The following PCSK5 variants were observed in gnomAD, a reference collection of about 807,000 sequenced individuals.
The protein encoded by PCSK5 is prohormone convertase 5.
A neutral mutation model predicts 233.2 loss-of-function variants in PCSK5; 129 were observed. The observed-to-expected ratio is 0.55, with a 90% CI of 0.48 to 0.64. The LOEUF (loss-of-function observed/expected upper bound fraction) is 0.64. Among genes scored for constraint, PCSK5 ranks in the 30% least tolerant of loss-of-function variants. PCSK5 has a pLI of 0.00. For synonymous variants in PCSK5, 825 were observed against 879.2 expected (o/e 0.94, Z 1.09); for missense variants, 2,076 against 2,430.1 (o/e 0.85, Z 3.06).
At chr9:76,055,837 A>C (rs1829800977) in intron 5 of PCSK5, among the ~76,000 whole-genome samples, 1 of 152,326 alleles carries the variant, frequency 6.6e-6, no homozygotes, top group South Asian at 2.1e-4. Flanking sequence ...CTTACTTCAC[A>C]GGGTTGATGT....
At chr9:76,085,659 A>G (rs916640487) in intron 7 of PCSK5, among the ~76,000 whole-genome samples, 8 of 152,228 alleles carry the variant, frequency 5.3e-5, no homozygotes, top group African/African-American at 1.4e-4. Context: ...TGGGTAGGAA[A>G]TGGAGAGGGC....
Position 75,900,540 on chromosome 9 carries a change from G to A in PCSK5, c.192+9167G>A, listed in dbSNP as rs1456871370. Among the ~76,000 whole-genome samples the A allele has an allele frequency of 2.6e-5, 4 of 151,670 alleles. No homozygotes were observed. In the East Asian group the frequency reaches 7.8e-4, roughly 29 times the overall value. ...CTAAAAATACAAAAATTAGCCAGGT[G>A]TGGTGGTCTGTGCTTGTAGTTGCAG... On this transcript the variant is annotated intron_variant, in intron 1 of 37. Coordinates refer to ENST00000674117, the MANE Select transcript of PCSK5 (RefSeq NM_001372043.1).
intron 24 of PCSK5, among the ~76,000 whole-genome samples, chr9:76,275,435 T>C (rs549486327): frequency 8.1e-4 from 124 of 152,304 alleles, no homozygotes; most frequent in Non-Finnish European, 1.1e-3. Flanking sequence ...TTTTGTTTGT[T>C]TGTTTTTCAG....
intron 20 of PCSK5, among the ~76,000 whole-genome samples, chr9:76,224,027 T>C (rs1243219743): frequency 1.3e-5 from 2 of 152,182 alleles, no homozygotes; most frequent in African/African-American, 4.8e-5. Flanking sequence ...TCATCAGCTG[T>C]TCTAACGTGA....
chr9:75,903,583 T>C (rs1826138416), intron 1 of PCSK5, among the ~76,000 whole-genome samples: 1 of 142,270 alleles, frequency 7.0e-6, no homozygotes, highest in Admixed American at 7.1e-5. Context: ...TGTATATATA[T>C]ATATAAAATA....
chr9:76,173,938 C>T (rs1006671135), intron 13 of PCSK5, among the ~76,000 whole-genome samples: 85 of 152,098 alleles, frequency 5.6e-4, no homozygotes, highest in African/African-American at 2.0e-3. Flanking sequence ...CATGCCATTG[C>T]ACTCCAGCCT....
intron 32 of PCSK5, among the ~76,000 whole-genome samples, chr9:76,325,414 C>T (rs140147277): frequency 1.0e-3 from 152 of 152,330 alleles, no homozygotes; most frequent in African/African-American, 3.5e-3. Context: ...CTGGGCAGCT[C>T]TTAAAACCAC....
intron 20 of PCSK5, among the ~76,000 whole-genome samples, chr9:76,193,056 A>C (rs1187563803): frequency 6.6e-6 from 1 of 151,940 alleles, no homozygotes; most frequent in Non-Finnish European, 1.5e-5. Context: ...TCCTTGAAAA[A>C]CAATGCGGTT....
At chr9:76,049,439 C>T (rs573941126) in intron 5 of PCSK5, among the ~76,000 whole-genome samples, 2 of 152,238 alleles carry the variant, frequency 1.3e-5, no homozygotes, top group East Asian at 3.9e-4. Flanking sequence ...GCAAAAGGAA[C>T]CAGGAATAAC....
intron 14 of PCSK5, among the ~76,000 whole-genome samples, chr9:76,179,268 G>A (rs985212885): frequency 1.3e-5 from 2 of 151,934 alleles, no homozygotes; most frequent in Admixed American, 1.3e-4. Context: ...ATACTTAATT[G>A]CAGTTGGTTT....
At chr9:76,254,687 T>G (rs1441364820) in intron 24 of PCSK5, among the ~76,000 whole-genome samples, 1 of 152,226 alleles carries the variant, frequency 6.6e-6, no homozygotes, top group Admixed American at 6.5e-5. Context: ...CTTTGTTTGC[T>G]GCCTAAAAAA....
intron 9 of PCSK5, among the ~76,000 whole-genome samples, chr9:76,110,434 C>T (rs1832163594): frequency 6.6e-6 from 1 of 152,240 alleles, no homozygotes; most frequent in African/African-American, 2.4e-5. Context: ...TTTTCGCCAG[C>T]CTCTCTTCCT....
At chr9:76,104,212 T>G (rs989817901) in intron 8 of PCSK5, among the ~76,000 whole-genome samples, 4 of 152,186 alleles carry the variant, frequency 2.6e-5, no homozygotes, top group African/African-American at 9.6e-5. Flanking sequence ...CTTAGATCTT[T>G]CCAGTAATTT....
At chr9:76,233,406 G>C (rs957722351) in intron 21 of PCSK5, 54 bp from the exon 22 acceptor site, 1 of 1,587,808 alleles carries the variant, frequency 6.3e-7, no homozygotes, top group African/African-American at 1.3e-5. Flanking sequence ...CTGATACTTA[G>C]GGCCACTCTG....
chr9:76,053,447 C>A (rs1432888624), intron 5 of PCSK5, among the ~76,000 whole-genome samples: 1 of 152,196 alleles, frequency 6.6e-6, no homozygotes, highest in Non-Finnish European at 1.5e-5. Context: ...TTCTTCTTTT[C>A]TATTGCTTCG....
rs1473544124 is a variant in PCSK5 at position 76,189,103 on chromosome 9, C to G, written c.2390C>G (p.Ala797Gly). ...TTGTCTTGCTTTTAAGGGGCAGGAGCTGATGGGTGCATTAACTGCACAGAG... is the reference window on the plus strand; with the variant it reads ...TTGTCTTGCTTTTAAGGGGCAGGAGGTGATGGGTGCATTAACTGCACAGAG... Reference protein sequence around the residue: ...RFCATCAGAGADGCINCTEGY... With the variant: ...RFCATCAGAGGDGCINCTEGY... The change falls in exon 19 of 38, where the codon GCT becomes GGT. Residue 797 changes from alanine (A) to glycine (G), a missense_variant. By Grantham distance (60) the Ala-to-Gly change is moderately conservative (BLOSUM62 0). Transcript: ENST00000674117. 2 of 1,613,356 alleles carry G rather than the reference C, an allele frequency of 1.2e-6. No individual in the cohort carries two copies. Among genetic ancestry groups the G allele is most frequent in the East Asian group, 4.5e-5 (2 of 44,842 alleles).
intron 2 of PCSK5, among the ~76,000 whole-genome samples, chr9:75,966,988 C>T (rs1825614711): frequency 6.6e-6 from 1 of 152,122 alleles, no homozygotes. Flanking sequence ...CACAGGTAGC[C>T]TTAGGAAATA....
intron 2 of PCSK5, among the ~76,000 whole-genome samples, chr9:75,976,301 C>CACAG (rs1554668152): frequency 8.7e-5 from 8 of 91,928 alleles, no homozygotes; most frequent in South Asian, 6.5e-4. Context: ...CACACACACA[C>CACAG]ACACACACAC....
chr9:76,105,060 A>G (rs1831921121), intron 8 of PCSK5, among the ~76,000 whole-genome samples: 1 of 152,234 alleles, frequency 6.6e-6, no homozygotes, highest in Non-Finnish European at 1.5e-5. Flanking sequence ...AGAACTGAAA[A>G]CAGGGTCTCA....
Sources: gnomAD v4.1 joint callset for allele counts (sites outside exome capture counted in the v4.1 genomes callset) on GRCh38, gnomAD v4.1.1 for gene constraint, MANE v1.5 for transcripts, NCBI Gene and HGNC (gene_info 2026-07-23, HGNC 2026-07-21) for gene names.